The following ZZZ3 variants were observed in gnomAD, a reference collection of about 807,000 sequenced individuals.
ZZZ3 encodes zinc finger ZZ-type containing 3.
Under a neutral mutation model 95.2 loss-of-function variants are expected in ZZZ3, and 22 were observed. The observed-to-expected ratio is 0.23, with a 90% CI of 0.17 to 0.33. ZZZ3 has a LOEUF of 0.33. Among genes scored for constraint, ZZZ3 ranks in the 10% least tolerant of loss-of-function variants. The pLI is 1.00. For synonymous variants in ZZZ3, 335 were observed against 358.9 expected (o/e 0.93, Z 0.75); for missense variants, 885 against 1,066.5 (o/e 0.83, Z 2.37).
chr1:77,592,804 C>T (rs540129695), intron 5 of ZZZ3, among the ~76,000 whole-genome samples: 5 of 152,112 alleles, frequency 3.3e-5, no homozygotes, highest in African/African-American at 1.2e-4. Flanking sequence ...TTCTGGAAAA[C>T]AGACGAGGCA....
intron 5 of ZZZ3, among the ~76,000 whole-genome samples, chr1:77,610,362 T>C (rs1188564423): frequency 6.6e-6 from 1 of 152,034 alleles, no homozygotes; most frequent in East Asian, 1.9e-4. Flanking sequence ...ACCCAATGGC[T>C]TCATTGCTGA....
At chr1:77,603,109 C>T (rs1664898387) in intron 5 of ZZZ3, among the ~76,000 whole-genome samples, 1 of 151,478 alleles carries the variant, frequency 6.6e-6, no homozygotes, top group South Asian at 2.1e-4. Context: ...CAGAGTCTTG[C>T]TCTGTTGCCC....
At chr1:77,638,714 T>A (rs992809178) in intron 4 of ZZZ3, among the ~76,000 whole-genome samples, 4 of 152,204 alleles carry the variant, frequency 2.6e-5, no homozygotes, top group African/African-American at 9.6e-5. Flanking sequence ...GATACCAGAA[T>A]ATATTCACAT....
intron 4 of ZZZ3, 141 bp downstream of exon 4, chr1:77,639,308 C>T (rs1489058958): frequency 1.0e-4 from 53 of 517,866 alleles, no homozygotes; most frequent in Non-Finnish European, 1.5e-4. Context: ...CAGCTCCATA[C>T]TCCTATAAAC....
Position 77,564,815 on chromosome 1 carries a change from T to A in ZZZ3, c.*825A>T, listed in dbSNP as rs1168550678. The A allele has an allele frequency of 6.6e-6, 1 of 152,604 alleles. No homozygotes were observed. Among genetic ancestry groups the A allele is most frequent in the Non-Finnish European group, 1.5e-5 (1 of 68,026 alleles). The allele number at this position is 152,604 out of a possible 1,614,324, so 9.5% of individuals were successfully genotyped here. A position where few individuals can be genotyped will look rare whatever the true frequency, so the allele number is the denominator to read the frequency against. ...GGCAGTTTTCTTTGATGAGTTGTAC[T>A]GACAACTCCAAATACAGAGGCAGAA... On this transcript the variant is annotated 3_prime_UTR_variant, in exon 15 of 15. Transcript: ENST00000370801.
chr1:77,607,395 C>T lies in ZZZ3; in HGVS notation c.1506-22740G>A, dbSNP rs191161952. Among the ~76,000 whole-genome samples, 3 of 152,276 alleles carry T rather than the reference C, an allele frequency of 2.0e-5. No individual in the cohort carries two copies. In the East Asian group the frequency reaches 5.8e-4, roughly 29 times the overall value. ...ATTCAAGGTGAGACTTGGGTGGGAA[C>T]ACAGCCAAACCATATCAAACTGTTT... On this transcript the variant is annotated intron_variant, in intron 5 of 14. Coordinates refer to ENST00000370801, the MANE Select transcript of ZZZ3 (RefSeq NM_015534.6).
intron 4 of ZZZ3, among the ~76,000 whole-genome samples, chr1:77,634,149 G>A (rs566556066): frequency 3.4e-4 from 52 of 151,920 alleles, no homozygotes; most frequent in Non-Finnish European, 6.0e-4. Context: ...CAGCTTGGGC[G>A]ACAGAGTGAG....
At chr1:77,642,237 G>A (rs1668843391) in intron 1 of ZZZ3, among the ~76,000 whole-genome samples, 3 of 113,434 alleles carry the variant, frequency 2.6e-5, no homozygotes, top group South Asian at 5.8e-4. Context: ...TTACAAGTTG[G>A]AGAAATAGAT....
chr1:77,594,008 T>A (rs1315756824), intron 5 of ZZZ3, among the ~76,000 whole-genome samples: 8 of 152,178 alleles, frequency 5.3e-5, no homozygotes, highest in Non-Finnish European at 1.2e-4. Context: ...GGTCACTCAT[T>A]ACTATATATT....
chr1:77,672,081 T>A (rs2101060232), intron 1 of ZZZ3, among the ~76,000 whole-genome samples: 1 of 152,344 alleles, frequency 6.6e-6, no homozygotes, highest in East Asian at 1.9e-4. Context: ...ATGAATTGTT[T>A]ATTTCTTGAA....
chr1:77,594,989 G>C lies in ZZZ3; in HGVS notation c.1506-10334C>G, dbSNP rs537597363. ...GATCATTAGCTTACTATGAGGCAAA[G>C]TATAAAGTGCTGCTCAACAAACATT... On this transcript the variant is annotated intron_variant, in intron 5 of 14. Coordinates refer to ENST00000370801, the MANE Select transcript of ZZZ3 (RefSeq NM_015534.6). Among the ~76,000 whole-genome samples the C allele has an allele frequency of 9.4e-5, 14 of 148,274 alleles. No individual in the cohort carries two copies. In the South Asian group the frequency reaches 3.0e-3, roughly 32 times the overall value.
intron 1 of ZZZ3, among the ~76,000 whole-genome samples, chr1:77,648,799 T>C (rs1485137485): frequency 6.6e-6 from 1 of 152,110 alleles, no homozygotes. Context: ...GATCCCAAAC[T>C]TTCTAAATAT....
chr1:77,563,837 TTA>T lies in ZZZ3; in HGVS notation c.*1801_*1802del. On this transcript the variant is annotated 3_prime_UTR_variant, in exon 15 of 15. Transcript: ENST00000370801. ...CTCAAGTCCATTTACTTTCCTTCTGTTATGATATATTATATCTATATCATCAG... is the reference window on the plus strand; with the variant it reads ...CTCAAGTCCATTTACTTTCCTTCTGTTGATATATTATATCTATATCATCAG... 6.6e-6 allele frequency: 1 copy of T among 152,308 alleles called. No individual in the cohort carries two copies. Among genetic ancestry groups the T allele is most frequent in the East Asian group, 1.9e-4 (1 of 5,184 alleles). 9.4% of individuals were successfully genotyped at this position (152,308 alleles called of 1,614,324 possible).
intron 5 of ZZZ3, among the ~76,000 whole-genome samples, chr1:77,631,244 G>A (rs1405713528): frequency 6.6e-6 from 1 of 152,160 alleles, no homozygotes; most frequent in African/African-American, 2.4e-5. Flanking sequence ...ATCAGGAAAA[G>A]CTATGTCAAA....
intron 5 of ZZZ3, among the ~76,000 whole-genome samples, chr1:77,594,236 A>T (rs1229607092): frequency 2.6e-5 from 4 of 152,140 alleles, no homozygotes; most frequent in Non-Finnish European, 5.9e-5. Context: ...GAGGCATAAT[A>T]ACTTTTCTCT....
At chr1:77,624,430 G>A (rs1006930759) in intron 5 of ZZZ3, among the ~76,000 whole-genome samples, 1 of 152,068 alleles carries the variant, frequency 6.6e-6, no homozygotes, top group African/African-American at 2.4e-5. Flanking sequence ...TAGAAGAGCT[G>A]GAGATTGAGT....
At chr1:77,660,393 T>G (rs780968620) in intron 1 of ZZZ3, among the ~76,000 whole-genome samples, 4 of 152,170 alleles carry the variant, frequency 2.6e-5, no homozygotes, top group Non-Finnish European at 5.9e-5. Flanking sequence ...ATCCCCCACC[T>G]CTAGCCTCTG....
intron 5 of ZZZ3, among the ~76,000 whole-genome samples, chr1:77,613,545 T>C (rs575057824): frequency 1.8e-4 from 28 of 152,056 alleles, no homozygotes; most frequent in Middle Eastern, 3.4e-3. Flanking sequence ...GTTTATATGG[T>C]AGGTAGAGAC....
chr1:77,606,572 G>A (rs1016615988), intron 5 of ZZZ3, among the ~76,000 whole-genome samples: 1 of 152,210 alleles, frequency 6.6e-6, no homozygotes, highest in African/African-American at 2.4e-5. Context: ...ACCAAGCCCA[G>A]TCCCAGTGGT....
Sources: gnomAD v4.1 joint callset for allele counts (sites outside exome capture counted in the v4.1 genomes callset) on GRCh38, gnomAD v4.1.1 for gene constraint, MANE v1.5 for transcripts, NCBI Gene and HGNC (gene_info 2026-07-23, HGNC 2026-07-21) for gene names.